Variants in CSNK1G1 observed in about 807,000 individuals in gnomAD.
CSNK1G1 encodes casein kinase 1 gamma 1.
CSNK1G1 carries 22 observed loss-of-function variants against 59.6 expected under a neutral mutation model. The observed-to-expected ratio is 0.37, with a 90% CI of 0.26 to 0.53. The LOEUF (loss-of-function observed/expected upper bound fraction) is 0.53. Ranked by LOEUF, CSNK1G1 falls within the 20% of genes least tolerant of loss-of-function variation. CSNK1G1 has a pLI of 0.89. For synonymous variants in CSNK1G1, 179 were observed against 177.1 expected, an observed-to-expected ratio of 1.01 and a Z score of -0.08; for missense variants, 384 against 519.5, an observed-to-expected ratio of 0.74 and a Z score of 2.54.
chr15:64,193,686 G>T (rs2082003443), intron 10 of CSNK1G1, among the ~76,000 whole-genome samples: 1 of 152,094 alleles, frequency 6.6e-6, no homozygotes, highest in African/African-American at 2.4e-5. Flanking sequence ...CTGAAAAGGG[G>T]ATTATTCCCA....
intron 2 of CSNK1G1, among the ~76,000 whole-genome samples, chr15:64,264,825 C>T (rs971149511): frequency 1.3e-5 from 2 of 152,138 alleles, no homozygotes; most frequent in Non-Finnish European, 2.9e-5. Flanking sequence ...TTCAACATCC[C>T]TTCATGATAA....
chr15:64,216,163 T>C lies in CSNK1G1; in HGVS notation c.444+399A>G, dbSNP rs543335306. On this transcript the variant is annotated intron_variant, in intron 5 of 11. Coordinates refer to ENST00000303052, the MANE Select transcript of CSNK1G1 (RefSeq NM_022048.5). The surrounding 1 kb of genome is among the most constrained non-coding windows in gnomAD (Gnocchi z 4.6). The stretch of plus-strand genomic sequence containing the variant: ...TCACTTGAGCCTAGGAGTTTGAGGT[T>C]GCACTGAGCTATGATCATGCTACTG... Among the ~76,000 whole-genome samples the C allele has an allele frequency of 2.9e-4, 44 of 152,168 alleles. No individual in the cohort carries two copies. The highest frequency in any genetic ancestry group is 3.4e-3 in the Middle Eastern group (1 of 294).
At chr15:64,175,379 T>C (rs1229035445) in intron 11 of CSNK1G1, among the ~76,000 whole-genome samples, 1 of 152,150 alleles carries the variant, frequency 6.6e-6, no homozygotes, top group East Asian at 1.9e-4. Flanking sequence ...AGCATGACTT[T>C]ATGCGTGCGG....
chr15:64,266,172 C>T (rs1240691227), intron 2 of CSNK1G1, among the ~76,000 whole-genome samples: 1 of 152,044 alleles, frequency 6.6e-6, no homozygotes, highest in African/African-American at 2.4e-5. Context: ...AAGCAATTCT[C>T]CTGCCTCAGC....
chr15:64,203,302 C>T, intron 9 of CSNK1G1, 113 bp from the exon 10 acceptor site: 1 of 742,570 alleles, frequency 1.3e-6, no homozygotes, highest in East Asian at 2.7e-5. Flanking sequence ...TTTCAGCTAC[C>T]AAGAGCACTT....
At chr15:64,251,706 G>A (rs1478925829) in intron 3 of CSNK1G1, 125 bp from the exon 4 acceptor site, 15 of 645,480 alleles carry the variant, frequency 2.3e-5, no homozygotes, top group African/African-American at 2.0e-4. Flanking sequence ...ATATATAAGA[G>A]CCTTTTCTAA....
intron 2 of CSNK1G1, among the ~76,000 whole-genome samples, chr15:64,283,472 A>G (rs1463093967): frequency 6.6e-6 from 1 of 152,014 alleles, no homozygotes; most frequent in Non-Finnish European, 1.5e-5. Flanking sequence ...CCTCCTGAGT[A>G]ACTGGGATTA....
At chr15:64,208,104 G>C (rs1567374066) in intron 6 of CSNK1G1, among the ~76,000 whole-genome samples, 1 of 152,128 alleles carries the variant, frequency 6.6e-6, no homozygotes, top group Non-Finnish European at 1.5e-5. Context: ...TTAAAATTAA[G>C]TTTCATATCA....
chr15:64,332,279 G>A (rs1897148334), intron 1 of CSNK1G1, among the ~76,000 whole-genome samples: 1 of 110,872 alleles, frequency 9.0e-6, no homozygotes, highest in African/African-American at 3.4e-5. Context: ...CAACCCAAAT[G>A]TCCAACAATG....
chr15:64,254,255 A>T (rs1186792879), intron 3 of CSNK1G1, among the ~76,000 whole-genome samples: 1 of 152,180 alleles, frequency 6.6e-6, no homozygotes, highest in Non-Finnish European at 1.5e-5. Context: ...GTTAGTGTTT[A>T]ACAGATACAA....
intron 1 of CSNK1G1, among the ~76,000 whole-genome samples, chr15:64,337,359 T>C (rs1196753632): frequency 6.6e-6 from 1 of 152,212 alleles, no homozygotes; most frequent in Non-Finnish European, 1.5e-5. Flanking sequence ...CATTTTTGTC[T>C]GTTTTAAGAG....
In CSNK1G1 at chr15:64,271,940, C is replaced by T. The variant is rs570214622; in HGVS notation, c.182-12699G>A. 5.3e-5 allele frequency among the ~76,000 whole-genome samples: 8 copies of T among 152,086 alleles called. 1 individual carries two copies. The highest frequency in any genetic ancestry group is 1.2e-4 in the African/African-American group (5 of 41,426). The stretch of plus-strand genomic sequence containing the variant: ...TTTACGAATCTGGGTGCTCCTGTGT[C>T]GGGTGCATATATACTTAGGATAGTT... On this transcript the variant is annotated intron_variant, in intron 2 of 11. Transcript: ENST00000303052.
At chr15:64,271,019 G>A (rs1310659236) in intron 2 of CSNK1G1, among the ~76,000 whole-genome samples, 2 of 152,002 alleles carry the variant, frequency 1.3e-5, no homozygotes, top group Admixed American at 6.6e-5. Context: ...GTCTCGCTCT[G>A]TCTCCCAGGT....
intron 2 of CSNK1G1, among the ~76,000 whole-genome samples, chr15:64,288,283 T>C (rs952841606): frequency 3.9e-5 from 6 of 152,124 alleles, no homozygotes; most frequent in Non-Finnish European, 7.4e-5. Context: ...AAAAAAATTA[T>C]TGAACCAAAA....
At chr15:64,223,235 G>GAA (rs149009136) in intron 4 of CSNK1G1, among the ~76,000 whole-genome samples, 16 of 149,164 alleles carry the variant, frequency 1.1e-4, no homozygotes, top group African/African-American at 2.7e-4. Flanking sequence ...GCATTTAAAT[G>GAA]AAAAAAAAAA....
chr15:64,253,999 G>GA, intron 3 of CSNK1G1, among the ~76,000 whole-genome samples: 1 of 152,220 alleles, frequency 6.6e-6, no homozygotes, highest in Admixed American at 6.5e-5. Flanking sequence ...AATGAGCCAG[G>GA]AGTGTCAGCG....
At chr15:64,250,815 C>T (rs1452888116) in intron 4 of CSNK1G1, among the ~76,000 whole-genome samples, 1 of 151,964 alleles carries the variant, frequency 6.6e-6, no homozygotes, top group Non-Finnish European at 1.5e-5. Context: ...AAACCTGTCA[C>T]AGTGAAGGGG....
intron 2 of CSNK1G1, among the ~76,000 whole-genome samples, chr15:64,284,624 T>G (rs890453460): frequency 3.9e-5 from 6 of 152,068 alleles, no homozygotes; most frequent in Admixed American, 2.0e-4. Flanking sequence ...TATATATACT[T>G]TTGTGTAATA....
intron 10 of CSNK1G1, among the ~76,000 whole-genome samples, chr15:64,202,414 C>T (rs1454930689): frequency 2.6e-5 from 4 of 152,002 alleles, no homozygotes; most frequent in East Asian, 1.9e-4. Flanking sequence ...TGCTCCTTGG[C>T]GAGTAGGGCT....
Sources: gnomAD v4.1 joint callset for allele counts (sites outside exome capture counted in the v4.1 genomes callset) on GRCh38, gnomAD v4.1.1 for gene constraint, Gnocchi (gnomAD v3.1) non-coding constraint, MANE v1.5 for transcripts, NCBI Gene and HGNC (gene_info 2026-07-23, HGNC 2026-07-21) for gene names.